The following FSTL5 variants were observed in gnomAD, a reference collection of about 807,000 sequenced individuals.
FSTL5 encodes the protein follistatin-related protein 5.
In FSTL5, 62 loss-of-function variants were observed where a neutral mutation model predicts 89.1. The ratio of observed to expected loss-of-function variants is 0.70; its 90% confidence interval spans 0.57 to 0.86. The LOEUF (loss-of-function observed/expected upper bound fraction) is 0.86, where lower values mean the gene tolerates loss of function less well. Among genes scored for constraint, FSTL5 ranks in the 40% least tolerant of loss-of-function variants. The pLI is 0.00. For missense variants in FSTL5, 1,057 were observed against 1,001.6 expected (o/e 1.06, Z -0.75); for synonymous variants, 383 against 346.2 (o/e 1.11, Z -1.18).
intron 14 of FSTL5, 21 bp downstream of exon 14, chr4:161,459,191 A>G: frequency 7.9e-7 from 1 of 1,264,624 alleles, no homozygotes; most frequent in Non-Finnish European, 1.2e-6. Flanking sequence ...TATTTTCTCT[A>G]ATATACTGAA....
intron 4 of FSTL5, among the ~76,000 whole-genome samples, chr4:161,918,694 G>A (rs1289241027): frequency 2.0e-5 from 3 of 151,688 alleles, no homozygotes; most frequent in Non-Finnish European, 2.9e-5. Flanking sequence ...GCCTAGGCTG[G>A]AGTGCAGTGG....
At chr4:161,574,461 G>T (rs571119076) in intron 8 of FSTL5, among the ~76,000 whole-genome samples, 1 of 151,494 alleles carries the variant, frequency 6.6e-6, no homozygotes, top group South Asian at 2.1e-4. Flanking sequence ...CCATAATCTA[G>T]GTTTTAAGCC....
At chr4:162,024,816 ATT>A (rs971440086) in intron 3 of FSTL5, among the ~76,000 whole-genome samples, 1 of 151,116 alleles carries the variant, frequency 6.6e-6, no homozygotes, top group Non-Finnish European at 1.5e-5. Flanking sequence ...TGCTAGGCTA[ATT>A]TTTTTTTATT....
intron 6 of FSTL5, among the ~76,000 whole-genome samples, chr4:161,660,331 C>A (rs1175222925): frequency 6.6e-6 from 1 of 152,066 alleles, no homozygotes; most frequent in East Asian, 1.9e-4. Flanking sequence ...GAAGTGTCTG[C>A]TAGAAGAATC....
intron 3 of FSTL5, among the ~76,000 whole-genome samples, chr4:161,972,159 C>G (rs1309733291): frequency 6.6e-6 from 1 of 152,050 alleles, no homozygotes; most frequent in Non-Finnish European, 1.5e-5. Context: ...GTGGTGGGAT[C>G]TGGGCTCAAT....
At chr4:161,521,404 T>A (rs2126515908) in intron 10 of FSTL5, among the ~76,000 whole-genome samples, 1 of 152,256 alleles carries the variant, frequency 6.6e-6, no homozygotes, top group East Asian at 1.9e-4. Context: ...TAATGCTACC[T>A]GATTTTAAAT....
intron 11 of FSTL5, among the ~76,000 whole-genome samples, chr4:161,504,455 T>C (rs1018153663): frequency 2.7e-5 from 4 of 150,466 alleles, no homozygotes; most frequent in African/African-American, 9.8e-5. Context: ...ATCGGGAACA[T>C]GTGCAGATTG....
At chr4:161,500,405 G>A (rs1342075635) in intron 11 of FSTL5, among the ~76,000 whole-genome samples, 2 of 151,834 alleles carry the variant, frequency 1.3e-5, no homozygotes, top group Non-Finnish European at 2.9e-5. Flanking sequence ...TTATAAATAG[G>A]GATATAAACT....
intron 1 of FSTL5, among the ~76,000 whole-genome samples, chr4:162,118,504 G>A (rs753919416): frequency 3.3e-5 from 5 of 152,066 alleles, no homozygotes; most frequent in Non-Finnish European, 7.4e-5. Context: ...CTCGTGATCC[G>A]CCCCGCTCGG....
In FSTL5 at chr4:161,425,199, T is replaced by TA. The variant is rs1245188954; in HGVS notation, c.1841+29804dup. Among the ~76,000 whole-genome samples, 5 of 152,330 alleles carry TA rather than the reference T, an allele frequency of 3.3e-5. No homozygotes were observed. The South Asian group carries it at 1.0e-3, about 32-fold the overall frequency. On this transcript the variant is annotated intron_variant, in intron 15 of 15. Transcript: ENST00000306100. The stretch of plus-strand genomic sequence containing the variant: ...TGAGCTTCAATTTTACGAATTTTTT[T>TA]AAAAAAGATTATATGCTGTTAAAAG...
chr4:161,607,961 C>T (rs187652097), intron 7 of FSTL5, among the ~76,000 whole-genome samples: 16 of 152,180 alleles, frequency 1.1e-4, no homozygotes, highest in Admixed American at 5.9e-4. Context: ...ACCTTTATAA[C>T]AATTTAAATG....
chr4:161,437,510 T>C (rs1732601730), intron 15 of FSTL5, among the ~76,000 whole-genome samples: 1 of 129,632 alleles, frequency 7.7e-6, no homozygotes, highest in Non-Finnish European at 1.5e-5. Context: ...GAGCTTGCAG[T>C]GAGCAGAGAT....
At chr4:161,471,979 C>CTTTT (rs61243040) in intron 13 of FSTL5, among the ~76,000 whole-genome samples, 3 of 132,556 alleles carry the variant, frequency 2.3e-5, no homozygotes, top group Non-Finnish European at 3.3e-5. Flanking sequence ...TTTTCTTGAT[C>CTTTT]TTTTTTTTTT....
At chr4:161,454,559 G>A (rs145887182) in intron 15 of FSTL5, among the ~76,000 whole-genome samples, 91 of 152,244 alleles carry the variant, frequency 6.0e-4, no homozygotes, top group African/African-American at 2.1e-3. Context: ...AAAATGATGA[G>A]AGTGAACAAA....
At chr4:161,771,131 A>T (rs1741194756) in intron 5 of FSTL5, among the ~76,000 whole-genome samples, 1 of 152,062 alleles carries the variant, frequency 6.6e-6, no homozygotes, top group South Asian at 2.1e-4. Flanking sequence ...TCTGGGTTAT[A>T]ATGGCTGCTT....
chr4:161,454,109 A>G (rs1733266905), intron 15 of FSTL5, among the ~76,000 whole-genome samples: 1 of 152,156 alleles, frequency 6.6e-6, no homozygotes, highest in Non-Finnish European at 1.5e-5. Flanking sequence ...CATAATTCTC[A>G]CAACTGCAAT....
At position 161,461,335 on chromosome 4, in the gene FSTL5, G is replaced by A. The variant is rs530801528; in HGVS notation, c.1609-2016C>T. 2.9e-3 allele frequency among the ~76,000 whole-genome samples: 427 copies of A among 148,242 alleles called. 3 individuals carry two copies. Among genetic ancestry groups the A allele is most frequent in the African/African-American group, 9.5e-3 (381 of 40,218 alleles). On this transcript the variant is annotated intron_variant, in intron 13 of 15. Coordinates refer to ENST00000306100, the MANE Select transcript of FSTL5 (RefSeq NM_020116.5). ...AAATTAGCCAGGAGCTGTGGCGGGC[G>A]CCTGTAGTCCCAGCTGCTCGGGAGG...
rs1729326941 is a variant in FSTL5 at position 161,477,475 on chromosome 4, C to T, written c.1608+3545G>A. Among the ~76,000 whole-genome samples the T allele has an allele frequency of 2.0e-5, 3 of 149,362 alleles. No homozygotes were observed. In the South Asian group the frequency reaches 6.4e-4, roughly 32 times the overall value. ...TTATGCAATTATTATTCATTTTGAC[C>T]AAAATATTAACTTCTCCCTTCTCTT... On this transcript the variant is annotated intron_variant, in intron 13 of 15. Coordinates refer to ENST00000306100, the MANE Select transcript of FSTL5 (RefSeq NM_020116.5).
At chr4:161,517,526 T>C (rs1345246974) in intron 10 of FSTL5, among the ~76,000 whole-genome samples, 1 of 152,178 alleles carries the variant, frequency 6.6e-6, no homozygotes, top group Non-Finnish European at 1.5e-5. Context: ...CCTTATTTCC[T>C]GTGTTAGGAT....
Sources: gnomAD v4.1 joint callset for allele counts (sites outside exome capture counted in the v4.1 genomes callset) on GRCh38, gnomAD v4.1.1 for gene constraint, MANE v1.5 for transcripts, NCBI Gene and HGNC (gene_info 2026-07-23, HGNC 2026-07-21) for gene names.